The following NXN variants were observed in gnomAD, a reference collection of about 807,000 sequenced individuals.
NXN encodes nucleoredoxin 1.
NXN carries 16 observed loss-of-function variants against 48.6 expected under a neutral mutation model. That is an observed-to-expected ratio of 0.33 (90% CI 0.22 to 0.50). The LOEUF is 0.50. Among genes scored for constraint, NXN ranks in the 20% least tolerant of loss-of-function variants. The pLI is 0.98. For synonymous variants in NXN, 281 were observed against 269.6 expected, an observed-to-expected ratio of 1.04 and a Z score of -0.41; for missense variants, 492 against 605.5, an observed-to-expected ratio of 0.81 and a Z score of 1.97.
chr17:947,982 C>T (rs1285523047), intron 1 of NXN, among the ~76,000 whole-genome samples: 11 of 151,498 alleles, frequency 7.3e-5, no homozygotes, highest in Admixed American at 7.3e-4. Context: ...ACCCGGGAGG[C>T]GGAGGTTGCA....
intron 1 of NXN, among the ~76,000 whole-genome samples, chr17:844,037 C>A (rs1049438624): frequency 3.9e-5 from 6 of 152,238 alleles, no homozygotes; most frequent in African/African-American, 1.4e-4. Flanking sequence ...GGCCATCATA[C>A]GTCCCGTCCC....
At chr17:926,690 C>T (rs937268996) in intron 1 of NXN, among the ~76,000 whole-genome samples, 1 of 151,778 alleles carries the variant, frequency 6.6e-6, no homozygotes, top group Admixed American at 6.6e-5. Context: ...AGACCACAGG[C>T]GTGCACCACC....
chr17:926,632 G>C (rs958412881), intron 1 of NXN, among the ~76,000 whole-genome samples: 1 of 150,922 alleles, frequency 6.6e-6, no homozygotes, highest in African/African-American at 2.4e-5. Flanking sequence ...CACAGCCTCT[G>C]CTTCCCGGGC....
At chr17:810,186 A>ACG (rs1286284465) in intron 5 of NXN, among the ~76,000 whole-genome samples, 2 of 87,900 alleles carry the variant, frequency 2.3e-5, no homozygotes, top group African/African-American at 9.4e-5. Context: ...ACTGGCGTGC[A>ACG]TGTTACGAGT....
chr17:886,727 G>A (rs992957553), intron 1 of NXN, among the ~76,000 whole-genome samples: 1 of 151,036 alleles, frequency 6.6e-6, no homozygotes, highest in Non-Finnish European at 1.5e-5. Context: ...GCAGTGAGCT[G>A]AGATCGTGCC....
chr17:864,502 G>A lies in NXN; in HGVS notation c.361-38424C>T, dbSNP rs534396791. On this transcript the variant is annotated intron_variant, in intron 1 of 7. Transcript: ENST00000336868. The stretch of plus-strand genomic sequence containing the variant: ...AGAATCGAGGAACAAAGTGGGCTCT[G>A]CCCGTTCAAACGGCTGCCCTGGGAG... Among the ~76,000 whole-genome samples, 7 of 152,320 alleles carry A rather than the reference G, an allele frequency of 4.6e-5. No homozygotes were observed. In the East Asian group the frequency reaches 1.4e-3, roughly 29 times the overall value.
intron 5 of NXN, among the ~76,000 whole-genome samples, chr17:814,254 G>A (rs1209735813): frequency 2.6e-5 from 4 of 151,904 alleles, no homozygotes; most frequent in Non-Finnish European, 5.9e-5. Context: ...GTGAGACTCT[G>A]TCTCAAAAAA....
At chr17:834,683 C>A (rs1913693138) in intron 1 of NXN, among the ~76,000 whole-genome samples, 2 of 151,832 alleles carry the variant, frequency 1.3e-5, no homozygotes, top group African/African-American at 4.8e-5. Context: ...CCACGCCCGA[C>A]CTAATTTTGT....
chr17:861,782 C>G (rs1013409005), intron 1 of NXN, among the ~76,000 whole-genome samples: 1 of 151,248 alleles, frequency 6.6e-6, no homozygotes, highest in African/African-American at 2.4e-5. Flanking sequence ...ATCCATGAGT[C>G]TGAAATGATA....
intron 1 of NXN, among the ~76,000 whole-genome samples, chr17:913,768 A>C (rs1293332926): frequency 6.6e-6 from 1 of 152,204 alleles, no homozygotes; most frequent in Non-Finnish European, 1.5e-5. Flanking sequence ...GACAAAAATG[A>C]AGCAGAAAAA....
At chr17:861,120 A>C (rs1181754720) in intron 1 of NXN, among the ~76,000 whole-genome samples, 1 of 150,958 alleles carries the variant, frequency 6.6e-6, no homozygotes, top group Non-Finnish European at 1.5e-5. Context: ...ATTTTAAAAC[A>C]CATTTAAATT....
At chr17:812,395 T>C (rs1322658656) in intron 5 of NXN, among the ~76,000 whole-genome samples, 2 of 152,190 alleles carry the variant, frequency 1.3e-5, no homozygotes, top group African/African-American at 4.8e-5. Flanking sequence ...CACTGCTCTG[T>C]GAAGGAATCT....
chr17:805,817 A>G (rs976095472), intron 5 of NXN, among the ~76,000 whole-genome samples: 2 of 152,068 alleles, frequency 1.3e-5, no homozygotes, highest in Non-Finnish European at 2.9e-5. Context: ...CAGCCTGGAC[A>G]ACAGAGCAAG....
At chr17:827,029 C>A (rs1287591997) in intron 1 of NXN, among the ~76,000 whole-genome samples, 1 of 152,234 alleles carries the variant, frequency 6.6e-6, no homozygotes, top group Non-Finnish European at 1.5e-5. Flanking sequence ...TGCTCTCGAA[C>A]CTCCCCGCCA....
intron 1 of NXN, among the ~76,000 whole-genome samples, chr17:897,223 GT>G (rs1357386021): frequency 2.0e-5 from 3 of 152,238 alleles, no homozygotes; most frequent in Non-Finnish European, 4.4e-5. Flanking sequence ...GGAGGCAGAG[GT>G]TAAGGGCTGT....
chr17:817,046 G>A (rs993870986), intron 5 of NXN, among the ~76,000 whole-genome samples: 7 of 152,188 alleles, frequency 4.6e-5, no homozygotes, highest in East Asian at 1.9e-4. Flanking sequence ...GAAAGCAAAC[G>A]CTTTCATTTA....
intron 1 of NXN, among the ~76,000 whole-genome samples, chr17:856,745 G>C (rs1417003912): frequency 6.6e-6 from 1 of 152,028 alleles, no homozygotes; most frequent in African/African-American, 2.4e-5. Flanking sequence ...CTCCCAAAGT[G>C]CCGGGATTAC....
chr17:832,889 G>GACGCTTTTT (rs1231339437), intron 1 of NXN, among the ~76,000 whole-genome samples: 17 of 152,072 alleles, frequency 1.1e-4, no homozygotes, highest in African/African-American at 4.1e-4. Flanking sequence ...ACTCACATCT[G>GACGCTTTTT]ACGCTTTTTA....
At chr17:944,220 C>T (rs777900762) in intron 1 of NXN, among the ~76,000 whole-genome samples, 1 of 152,170 alleles carries the variant, frequency 6.6e-6, no homozygotes. Context: ...GCCTGGAAAA[C>T]AAGAGCGAAA....
Sources: allele counts gnomAD v4.1 joint callset (sites outside exome capture counted in the v4.1 genomes callset), GRCh38; gene constraint gnomAD v4.1.1; transcripts MANE v1.5; gene names NCBI Gene and HGNC (gene_info 2026-07-23, HGNC 2026-07-21).